The following ACVRL1 variants were observed in gnomAD, a reference collection of about 807,000 sequenced individuals.
The protein encoded by ACVRL1 is activin receptor type-1-like.
Under a neutral mutation model 51.9 loss-of-function variants are expected in ACVRL1, and 20 were observed. That is an observed-to-expected ratio of 0.39 (90% CI 0.27 to 0.56). The LOEUF (loss-of-function observed/expected upper bound fraction) is 0.56. Among genes scored for constraint, ACVRL1 ranks in the 20% least tolerant of loss-of-function variants. The pLI is 0.67. For synonymous variants in ACVRL1, 288 were observed against 280.9 expected (o/e 1.03, Z -0.25); for missense variants, 451 against 670.3 (o/e 0.67, Z 3.61).
rs753280968 is a variant in ACVRL1, at chr12:51,921,284, C to T, written c.*391C>T. On this transcript the variant is annotated 3_prime_UTR_variant, in exon 10 of 10. Coordinates refer to ENST00000388922, the MANE Select transcript of ACVRL1 (RefSeq NM_000020.3). ...GCCCTTGATCAACCCCACTGCCCCA[C>T]CAGAGCTGCCAGGGTGGCACAGGGC... 3.0e-6 allele frequency: 1 copy of T among 334,502 alleles called. No homozygotes were observed. Among genetic ancestry groups the T allele is most frequent in the Non-Finnish European group, 5.9e-6 (1 of 170,494 alleles). 20.7% of individuals were successfully genotyped at this position (334,502 alleles called of 1,614,324 possible).
chr12:51,913,713 G>C lies in ACVRL1; in HGVS notation c.468G>C (p.Glu156Asp). 1 of 1,612,124 alleles carries C rather than the reference G, an allele frequency of 6.2e-7. No homozygotes were observed. Among genetic ancestry groups the C allele is most frequent in the Non-Finnish European group, 8.5e-7 (1 of 1,180,014 alleles). ...AGAAGCAGCGTGGCCTGCACAGCGAGCTGGGAGAGTCCAGTCTCATCCTGA... is the reference window on the plus strand; with the variant it reads ...AGAAGCAGCGTGGCCTGCACAGCGACCTGGGAGAGTCCAGTCTCATCCTGA... ...RQEKQRGLHS[E>D]LGESSLILKA... The change falls in exon 4 of 10, where the codon GAG (glutamate) becomes GAC (aspartate). Residue 156 changes from glutamate (E) to aspartate (D), a missense_variant. By Grantham distance (45) the Glu-to-Asp change is conservative. Around this residue, in one of 2 missense-constraint regions of ACVRL1, gnomAD observed 192 missense variants for 216.9 expected, o/e 0.89. Coordinates refer to ENST00000388922, the MANE Select transcript of ACVRL1 (RefSeq NM_000020.3).
chr12:51,916,029 CCCACAGG>C lies in ACVRL1; in HGVS notation c.1049-4_1051del. Reference sequence around the variant, plus strand: ...AGGGGCAGGAGTGACAGGCCTCACCCCCACAGGCCTGGCTGTGATGCACTCACAGGGC... The same window carrying C: ...AGGGGCAGGAGTGACAGGCCTCACCCCCTGGCTGTGATGCACTCACAGGGC... On this transcript the variant is annotated splice_acceptor_variant and splice_polypyrimidine_tract_variant and coding_sequence_variant and intron_variant, in exon 8 of 10. Transcript: ENST00000388922. LOFTEE classifies it high-confidence loss of function. 2 of 1,610,832 alleles carry C rather than the reference CCCACAGG, an allele frequency of 1.2e-6. No individual in the cohort carries two copies. Among genetic ancestry groups the C allele is most frequent in the Non-Finnish European group, 1.7e-6 (2 of 1,177,834 alleles).
At chr12:51,916,003 G>T in intron 7 of ACVRL1, 33 bp from the exon 8 acceptor site, 2 of 1,599,370 alleles carry the variant, frequency 1.3e-6, no homozygotes, top group South Asian at 1.1e-5. Flanking sequence ...AGGTTTGGGA[G>T]AGGGGCAGGA....
chr12:51,920,827 G>T lies in ACVRL1; in HGVS notation c.1446G>T (p.Ala482=). Residue 482 remains alanine (A), a synonymous_variant, in exon 10 of 10, where the codon GCG becomes GCT. Coordinates refer to ENST00000388922, the MANE Select transcript of ACVRL1 (RefSeq NM_000020.3). ...CAAACCCCTCTGCCCGACTCACCGC[G>T]CTGCGGATCAAGAAGACACTACAAA... is the stretch of plus-strand genomic sequence containing the variant. ...WYPNPSARLT[A]LRIKKTLQKI... 6.2e-7 allele frequency: 1 copy of T among 1,613,848 alleles called. No individual in the cohort carries two copies. The highest frequency in any genetic ancestry group is 8.5e-7 in the Non-Finnish European group (1 of 1,179,968).
intron 6 of ACVRL1, 110 bp downstream of exon 6, chr12:51,914,695 AC>A: frequency 1.1e-6 from 1 of 916,660 alleles, no homozygotes; most frequent in Non-Finnish European, 1.6e-6. Context: ...CTCTCAGCCC[AC>A]CTGCAGCATC....
intron 1 of ACVRL1, among the ~76,000 whole-genome samples, chr12:51,908,930 A>G (rs987578925): frequency 6.6e-6 from 1 of 152,200 alleles, no homozygotes; most frequent in Non-Finnish European, 1.5e-5. Flanking sequence ...AAATCCAGGC[A>G]TCACCTGGAT....
chr12:51,915,384 C>T lies in ACVRL1; in HGVS notation c.932C>T (p.Ala311Val), dbSNP rs755786527. 1 of 1,613,874 alleles carries T rather than the reference C, an allele frequency of 6.2e-7. No homozygotes were observed. Among genetic ancestry groups the T allele is most frequent in the Non-Finnish European group, 8.5e-7 (1 of 1,180,054 alleles). Residue 311 changes from alanine to valine, a missense_variant, in exon 7 of 10, where the codon GCG (alanine) becomes GTG (valine). By Grantham distance (64) the Ala-to-Val change is moderately conservative. Around this residue, in one of 2 missense-constraint regions of ACVRL1, gnomAD observed 259 missense variants for 453.4 expected, o/e 0.57. Coordinates refer to ENST00000388922, the MANE Select transcript of ACVRL1 (RefSeq NM_000020.3). ...GCTGTGTCCGCGGCATGCGGCCTGG[C>T]GCACCTGCACGTGGAGATCTTCGGT... ...RLAVSAACGL[A>V]HLHVEIFGTQ...
At position 51,916,175 on chromosome 12, in the gene ACVRL1, T is replaced by C. The variant is rs1330404158; in HGVS notation, c.1188T>C (p.Thr396=). Residue 396 remains threonine (T), a synonymous_variant, in exon 8 of 10, where the codon ACT becomes ACC. Coordinates refer to ENST00000388922, the MANE Select transcript of ACVRL1 (RefSeq NM_000020.3). ...RTDCFESYKW[T]DIWAFGLVLW... is the part of the protein sequence containing the mutation. ...ACTGCTTTGAGTCCTACAAGTGGAC[T>C]GACATCTGGGCCTTTGGCCTGGTGC... 7.4e-6 allele frequency: 12 copies of C among 1,614,222 alleles called. No homozygotes were observed. The highest frequency in any genetic ancestry group is 1.3e-5 in the African/African-American group (1 of 75,066).
chr12:51,914,896 A>G (rs1940793264), intron 6 of ACVRL1, among the ~76,000 whole-genome samples: 1 of 152,088 alleles, frequency 6.6e-6, no homozygotes, highest in South Asian at 2.1e-4. Flanking sequence ...GGCATGTGCC[A>G]CCATGCCCAG....
chr12:51,916,336 G>A, intron 8 of ACVRL1, 103 bp downstream of exon 8: 1 of 1,274,822 alleles, frequency 7.8e-7, no homozygotes, highest in Non-Finnish European at 1.1e-6. Flanking sequence ...TTTGCAGTCA[G>A]ACCTCCTGGC....
At chr12:51,910,379 A>G (rs1940665449) in intron 1 of ACVRL1, among the ~76,000 whole-genome samples, 2 of 152,232 alleles carry the variant, frequency 1.3e-5, no homozygotes, top group South Asian at 4.1e-4. Context: ...CAAACTGATC[A>G]GAACTCCCTG....
chr12:51,912,272 G>C, intron 1 of ACVRL1, 198 bp from the exon 2 acceptor site: 1 of 665,398 alleles, frequency 1.5e-6, no homozygotes, highest in Non-Finnish European at 2.7e-6. Flanking sequence ...CCTCTAACAG[G>C]ATGGTTTCCA....
At position 51,913,720 on chromosome 12, in the gene ACVRL1, G is replaced by T. The variant is rs1940756257; in HGVS notation, c.475G>T (p.Glu159Ter). The T allele has an allele frequency of 1.2e-6, 2 of 1,612,232 alleles. No individual in the cohort carries two copies. Among genetic ancestry groups the T allele is most frequent in the Non-Finnish European group, 1.7e-6 (2 of 1,180,024 alleles). The change falls in exon 4 of 10, where the codon GAG becomes TAG. Residue 159 changes from glutamate to a stop codon, truncating the protein, a stop_gained. Coordinates refer to ENST00000388922, the MANE Select transcript of ACVRL1 (RefSeq NM_000020.3). LOFTEE classifies it high-confidence loss of function. Reference protein sequence around the residue: ...KQRGLHSELGESSLILKASEQ... With the variant: ...KQRGLHSELG Reference sequence around the variant, plus strand: ...GCGTGGCCTGCACAGCGAGCTGGGAGAGTCCAGTCTCATCCTGAAAGCATC... The same window carrying T: ...GCGTGGCCTGCACAGCGAGCTGGGATAGTCCAGTCTCATCCTGAAAGCATC...
At chr12:51,918,866 A>G in intron 8 of ACVRL1, 119 bp from the exon 9 acceptor site, 1 of 1,390,756 alleles carries the variant, frequency 7.2e-7, no homozygotes, top group Non-Finnish European at 1.0e-6. Context: ...TCTCAGGGGT[A>G]GCGTGTCCAG....
At chr12:51,919,816 G>A (rs1012746051) in intron 9 of ACVRL1, among the ~76,000 whole-genome samples, 1 of 152,110 alleles carries the variant, frequency 6.6e-6, no homozygotes, top group African/African-American at 2.4e-5. Flanking sequence ...ACATACAAGC[G>A]TGAATATCCT....
At position 51,919,257 on chromosome 12, in the gene ACVRL1, C is replaced by T. The variant is rs555523983; in HGVS notation, c.1377+142C>T. On this transcript the variant is annotated intron_variant, in intron 9 of 9. Coordinates refer to ENST00000388922, the MANE Select transcript of ACVRL1 (RefSeq NM_000020.3). ...GTTAGGGCACCTCTCTAGGTACTCC[C>T]TCTTTCAACCCTGGCCCATGCTCCC... 8 of 1,302,224 alleles carry T rather than the reference C, an allele frequency of 6.1e-6. No individual in the cohort carries two copies. The African/African-American group carries it at 1.2e-4, about 19-fold the overall frequency. 80.7% of individuals were successfully genotyped at this position (1,302,224 alleles called of 1,614,324 possible).
chr12:51,910,127 T>A (rs1260377941), intron 1 of ACVRL1, among the ~76,000 whole-genome samples: 1 of 152,216 alleles, frequency 6.6e-6, no homozygotes, highest in Middle Eastern at 3.2e-3. Context: ...GTCCCAATTT[T>A]ACTCCATCAC....
Position 51,921,025 on chromosome 12 carries a change from G to A in ACVRL1, c.*132G>A, listed in dbSNP as rs867355962. Reference sequence around the variant, plus strand: ...GATGGGCAGCTGCGCCTGCCTGCTCGGCCCCCAGCCCACCCAGCCAAAAAT... The same window carrying A: ...GATGGGCAGCTGCGCCTGCCTGCTCAGCCCCCAGCCCACCCAGCCAAAAAT... On this transcript the variant is annotated 3_prime_UTR_variant, in exon 10 of 10. Coordinates refer to ENST00000388922, the MANE Select transcript of ACVRL1 (RefSeq NM_000020.3). 3.5e-4 allele frequency: 402 copies of A among 1,153,602 alleles called. 2 individuals carry two copies. In the South Asian group the frequency reaches 3.8e-3, roughly 11 times the overall value. The allele number at this position is 1,153,602 out of a possible 1,614,324, so 71.5% of individuals were successfully genotyped here.
At chr12:51,912,616 G>A in intron 2 of ACVRL1, 81 bp downstream of exon 2, 1 of 1,248,764 alleles carries the variant, frequency 8.0e-7, no homozygotes, top group Non-Finnish European at 1.2e-6. Context: ...TCTGCCTGGG[G>A]CTGAACTTGA....
Sources: allele counts gnomAD v4.1 joint callset (sites outside exome capture counted in the v4.1 genomes callset), GRCh38; gene constraint gnomAD v4.1.1; regional missense constraint gnomAD v4.1.1; transcripts MANE v1.5; gene names NCBI Gene and HGNC (gene_info 2026-07-23, HGNC 2026-07-21).